The following EBF3 variants were observed in gnomAD, a reference collection of about 807,000 sequenced individuals.
EBF3 encodes the protein transcription factor COE3.
EBF3 carries 18 observed loss-of-function variants against 77.1 expected under a neutral mutation model. The observed-to-expected ratio is 0.23, with a 90% CI of 0.16 to 0.35. The LOEUF is 0.35. EBF3 is among the 10% of genes least tolerant of loss of function. The pLI, the probability that EBF3 is intolerant of heterozygous loss-of-function variation, is 1.00. For synonymous variants in EBF3, 350 were observed against 343.5 expected, an observed-to-expected ratio of 1.02 and a Z score of -0.21; for missense variants, 558 against 860.0, an observed-to-expected ratio of 0.65 and a Z score of 4.39.
At chr10:129,865,207 C>T (rs1008539738) in intron 10 of EBF3, among the ~76,000 whole-genome samples, 4 of 152,328 alleles carry the variant, frequency 2.6e-5, no homozygotes, top group South Asian at 4.1e-4. Context: ...CCCCAGCCCA[C>T]GGTGGGATTC....
intron 6 of EBF3, among the ~76,000 whole-genome samples, chr10:129,898,476 T>C (rs1193141928): frequency 1.3e-5 from 2 of 152,172 alleles, no homozygotes; most frequent in East Asian, 1.9e-4. Context: ...TAGGGAAACC[T>C]GAATTCCTCT....
At chr10:129,923,327 C>T (rs1486460851) in intron 6 of EBF3, among the ~76,000 whole-genome samples, 2 of 152,314 alleles carry the variant, frequency 1.3e-5, no homozygotes, top group East Asian at 1.9e-4. Context: ...AAACATACTG[C>T]AGCCTCAGAC....
chr10:129,963,444 G>A lies in EBF3; in HGVS notation c.214C>T (p.Leu72=). The A allele has an allele frequency of 6.3e-7, 1 of 1,591,658 alleles. No homozygotes were observed. The highest frequency in any genetic ancestry group is 8.6e-7 in the Non-Finnish European group (1 of 1,169,130). The change falls in exon 2 of 17, where the codon CTG becomes TTG. Residue 72 remains leucine, a synonymous_variant. Transcript: ENST00000440978. This position sits in a 1 kb window ranked among gnomAD's most constrained non-coding sequence, Gnocchi z 7.1. ...LRKSNFFHFV[L]ALYDRQGQPV... is the part of the protein sequence containing the mutation. ...TGCCCCTGCCTATCGTAGAGCGCCA[G>A]CACGAAGTGGAAGAAATTGGATTTC...
intron 10 of EBF3, among the ~76,000 whole-genome samples, chr10:129,854,558 G>C (rs1404301840): frequency 6.6e-6 from 1 of 152,242 alleles, no homozygotes; most frequent in South Asian, 2.1e-4. Context: ...CTTCTTAAGA[G>C]CACCTAATGC....
chr10:129,886,248 C>T (rs1052110487), intron 6 of EBF3, among the ~76,000 whole-genome samples: 4 of 152,128 alleles, frequency 2.6e-5, no homozygotes, highest in African/African-American at 9.7e-5. Flanking sequence ...CCTGCCTATG[C>T]GGCTCTCTAG....
intron 6 of EBF3, among the ~76,000 whole-genome samples, chr10:129,906,578 G>A (rs1213463262): frequency 2.0e-5 from 3 of 152,124 alleles, no homozygotes; most frequent in Admixed American, 1.3e-4. Context: ...ACCAGAGGAC[G>A]CTTCTGCTTA....
In EBF3 at chr10:129,837,770, A is replaced by AGTT; in HGVS notation, c.*170_*172dup. 1 of 763,550 alleles carries AGTT rather than the reference A, an allele frequency of 1.3e-6. No individual in the cohort carries two copies. The highest frequency in any genetic ancestry group is 2.1e-6 in the Non-Finnish European group (1 of 469,218). 47.3% of individuals were successfully genotyped at this position (763,550 alleles called of 1,614,324 possible). On this transcript the variant is annotated 3_prime_UTR_variant, in exon 17 of 17. Coordinates refer to ENST00000440978, the MANE Select transcript of EBF3 (RefSeq NM_001375380.1). ...GGCTGTTTGCATGTTGATTCTTAAT[A>AGTT]GTTTAAATAAAATCTTTAAACAAAG...
At chr10:129,845,805 A>G (rs1211190559) in intron 11 of EBF3, 1 of 152,236 alleles carries the variant, frequency 6.6e-6, no homozygotes, top group African/African-American at 2.4e-5. Context: ...AAACAGAAAA[A>G]AAACTCAGAT....
intron 3 of EBF3, 38 bp from the exon 4 acceptor site, chr10:129,962,264 A>G: frequency 6.2e-7 from 1 of 1,607,290 alleles, no homozygotes; most frequent in Non-Finnish European, 8.5e-7. Flanking sequence ...TCAGGATTTG[A>G]GTGCTGCACC....
intron 10 of EBF3, among the ~76,000 whole-genome samples, chr10:129,860,556 A>AATCGG (rs1851547844): frequency 1.3e-5 from 2 of 152,326 alleles, no homozygotes; most frequent in South Asian, 4.1e-4. Flanking sequence ...GAGAGCAGCC[A>AATCGG]ATCGGGGTGC....
At chr10:129,898,594 C>T (rs1854558970) in intron 6 of EBF3, among the ~76,000 whole-genome samples, 1 of 152,194 alleles carries the variant, frequency 6.6e-6, no homozygotes, top group South Asian at 2.1e-4. Flanking sequence ...ACATTATAAA[C>T]TGACTTTGGT....
intron 10 of EBF3, among the ~76,000 whole-genome samples, chr10:129,849,841 C>T (rs1347786589): frequency 2.6e-5 from 4 of 152,218 alleles, no homozygotes; most frequent in Non-Finnish European, 1.5e-5. Context: ...TAGTAAAGCT[C>T]TTCAAAATGC....
At chr10:129,875,282 C>T (rs1257052195) in intron 7 of EBF3, among the ~76,000 whole-genome samples, 2 of 150,338 alleles carry the variant, frequency 1.3e-5, no homozygotes, top group Non-Finnish European at 3.0e-5. Flanking sequence ...CCCCAACCTC[C>T]GCCTCCTGGG....
intron 10 of EBF3, among the ~76,000 whole-genome samples, chr10:129,857,403 A>C (rs1851327752): frequency 6.6e-6 from 1 of 151,666 alleles, no homozygotes; most frequent in Non-Finnish European, 1.5e-5. Flanking sequence ...CTCCCCCCTC[A>C]CAGCCCCATG....
In EBF3 at chr10:129,861,201, C is replaced by A. The variant is rs1474792656; in HGVS notation, c.1039+5940G>T. ...GAGGACAGCGGTGGGAGCCTGCCCTCCCTCCCTTCCTTTGTGGCTCTGCCT... is the reference window on the plus strand; with the variant it reads ...GAGGACAGCGGTGGGAGCCTGCCCTACCTCCCTTCCTTTGTGGCTCTGCCT... On this transcript the variant is annotated intron_variant, in intron 10 of 16. Coordinates refer to ENST00000440978, the MANE Select transcript of EBF3 (RefSeq NM_001375380.1). This position sits in a 1 kb window ranked among gnomAD's most constrained non-coding sequence, Gnocchi z 4.3. 6.6e-6 allele frequency among the ~76,000 whole-genome samples: 1 copy of A among 152,082 alleles called. No homozygotes were observed. Among genetic ancestry groups the A allele is most frequent in the African/African-American group, 2.4e-5 (1 of 41,414 alleles).
intron 8 of EBF3, among the ~76,000 whole-genome samples, chr10:129,871,914 A>G (rs531087118): frequency 6.6e-6 from 1 of 152,350 alleles, no homozygotes; most frequent in Non-Finnish European, 1.5e-5. Flanking sequence ...CAAACAGGAA[A>G]AAATCCTGAG....
chr10:129,950,055 G>C (rs1192703365), intron 6 of EBF3, among the ~76,000 whole-genome samples: 1 of 150,590 alleles, frequency 6.6e-6, no homozygotes, highest in Admixed American at 6.6e-5. Flanking sequence ...GCGGAGGCAG[G>C]GGCGGCGGCT....
intron 7 of EBF3, 52 bp downstream of exon 7, chr10:129,877,716 T>G: frequency 6.7e-7 from 1 of 1,502,560 alleles, no homozygotes; most frequent in Non-Finnish European, 9.2e-7. Flanking sequence ...AGAATTCAAA[T>G]TTGGTATGAA....
intron 10 of EBF3, among the ~76,000 whole-genome samples, chr10:129,862,423 G>A (rs540653223): frequency 2.3e-4 from 35 of 152,294 alleles, no homozygotes; most frequent in African/African-American, 8.4e-4. Context: ...GGTTCAGTCT[G>A]TCGCAGACAA....
Sources: allele counts gnomAD v4.1 joint callset (sites outside exome capture counted in the v4.1 genomes callset), GRCh38; gene constraint gnomAD v4.1.1; non-coding constraint Gnocchi (gnomAD v3.1); transcripts MANE v1.5; gene names NCBI Gene and HGNC (gene_info 2026-07-23, HGNC 2026-07-21).